Variants in ROPN1L observed in about 807,000 individuals in gnomAD.
The protein encoded by ROPN1L is ropporin-1-like protein.
Under a neutral mutation model 22.7 loss-of-function variants are expected in ROPN1L, and 23 were observed. That is an observed-to-expected ratio of 1.01 (90% CI 0.73 to 1.43). The LOEUF (loss-of-function observed/expected upper bound fraction) is 1.43. Among genes scored for constraint, ROPN1L ranks in the 40% most tolerant of loss-of-function variants. The probability of loss-of-function intolerance (pLI) is 0.00; values close to 1 mark genes in which losing one functional copy is unlikely to be tolerated. For missense variants in ROPN1L, 271 were observed against 291.5 expected (o/e 0.93, Z 0.51); for synonymous variants, 116 against 117.8 (o/e 0.98, Z 0.10).
At chr5:10,447,104 C>G (rs1741093472) in intron 1 of ROPN1L, among the ~76,000 whole-genome samples, 1 of 152,094 alleles carries the variant, frequency 6.6e-6, no homozygotes, top group Non-Finnish European at 1.5e-5. Flanking sequence ...TTCTAACTAC[C>G]CATGGCTTTA....
At chr5:10,474,429 A>G (rs1317107446), downstream of ROPN1L, among the ~76,000 whole-genome samples, 1 of 152,220 alleles carries the variant, frequency 6.6e-6, no homozygotes, top group Non-Finnish European at 1.5e-5. Flanking sequence ...CTTTGAAGAC[A>G]TAAGCTGTCA....
intron 4 of ROPN1L, among the ~76,000 whole-genome samples, chr5:10,462,902 C>CAAT (rs35234246): frequency 0.055 from 8,335 of 150,300 alleles, 280 homozygotes; most frequent in Middle Eastern, 0.12. Context: ...ATAATAACAA[C>CAAT]AATAATAATA....
intron 3 of ROPN1L, among the ~76,000 whole-genome samples, chr5:10,451,291 A>G (rs1741243995): frequency 6.6e-6 from 1 of 152,174 alleles, no homozygotes; most frequent in Non-Finnish European, 1.5e-5. Context: ...AAGGCTACCC[A>G]ATGTGGCCAC....
rs188342773 is a variant in ROPN1L at position 10,470,628 on chromosome 5, G to A, written n.886-1182G>A. On this transcript the variant is annotated intron_variant and non_coding_transcript_variant, in intron 4 of 4. Transcript: ENST00000510520. ...CCCGAGGTTGGAGCAGGGATCCCAC[G>A]CTTTCCTGTGCTGAGTTGGAGCCAG... is the stretch of plus-strand genomic sequence containing the variant. 2.0e-5 allele frequency among the ~76,000 whole-genome samples: 3 copies of A among 152,324 alleles called. No homozygotes were observed. The East Asian group carries it at 5.8e-4, about 29-fold the overall frequency.
chr5:10,465,380 G>T (rs1031820350), downstream of ROPN1L, among the ~76,000 whole-genome samples: 18 of 152,092 alleles, frequency 1.2e-4, no homozygotes, highest in African/African-American at 4.1e-4. Flanking sequence ...GCCAGGCGTG[G>T]TAGCGGGTGC....
chr5:10,464,422 C>G (rs1042105163), intron 4 of ROPN1L, among the ~76,000 whole-genome samples: 2 of 152,230 alleles, frequency 1.3e-5, no homozygotes, highest in Admixed American at 6.5e-5. Context: ...TTCTCCTGCC[C>G]GATCCGCGCA....
intron 2 of ROPN1L, among the ~76,000 whole-genome samples, chr5:10,449,397 T>C (rs1297323293): frequency 6.6e-6 from 1 of 152,108 alleles, no homozygotes; most frequent in African/African-American, 2.4e-5. Context: ...TGCGCACCTG[T>C]AATCCCAGCT....
intron 1 of ROPN1L, among the ~76,000 whole-genome samples, chr5:10,442,995 ACT>A (rs1048838097): frequency 6.6e-6 from 1 of 152,204 alleles, no homozygotes; most frequent in Non-Finnish European, 1.5e-5. Context: ...TAAAACAAAA[ACT>A]CACTTTTATG....
chr5:10,479,650 A>C, the ROPN1L span, among the ~76,000 whole-genome samples: 1 of 152,140 alleles, frequency 6.6e-6, no homozygotes, highest in Non-Finnish European at 1.5e-5. Context: ...TTTCCTGGGC[A>C]CTGTGGGAGA....
At chr5:10,453,616 G>A (rs1381619609) in intron 3 of ROPN1L, among the ~76,000 whole-genome samples, 1 of 152,256 alleles carries the variant, frequency 6.6e-6, no homozygotes, top group Admixed American at 6.5e-5. Context: ...GCTAGCCGCT[G>A]CCTGCGTGAG....
intron 4 of ROPN1L, among the ~76,000 whole-genome samples, chr5:10,463,978 A>T (rs1735100808): frequency 1.3e-5 from 2 of 151,972 alleles, no homozygotes; most frequent in African/African-American, 4.8e-5. Context: ...CCATGATGCC[A>T]CCTAGGATGC....
chr5:10,480,968 T>C, the ROPN1L span, among the ~76,000 whole-genome samples: 1 of 152,120 alleles, frequency 6.6e-6, no homozygotes, highest in South Asian at 2.1e-4. Context: ...CTTCTCTGCT[T>C]CCAGATCGTC....
In ROPN1L at chr5:10,448,294, C is replaced by T. The variant is rs1479532813; in HGVS notation, c.166C>T (p.Pro56Ser). 4 of 1,614,132 alleles carry T rather than the reference C, an allele frequency of 2.5e-6. No individual in the cohort carries two copies. Among genetic ancestry groups the T allele is most frequent in the Non-Finnish European group, 1.7e-6 (2 of 1,179,980 alleles). ...FSALSRGDPLPVKDRMEMPTA... is the reference protein window; with the variant it reads ...FSALSRGDPLSVKDRMEMPTA... ...AGCTCTGTCGAGAGGAGATCCACTTCCTGTAAAGGACAGAATGGAAATGCC... is the reference window on the plus strand; with the variant it reads ...AGCTCTGTCGAGAGGAGATCCACTTTCTGTAAAGGACAGAATGGAAATGCC... Residue 56 changes from proline to serine, a missense_variant, in exon 2 of 5, where the codon CCT becomes TCT. Coordinates refer to ENST00000274134, the MANE Select transcript of ROPN1L (RefSeq NM_031916.5).
At position 10,442,200 on chromosome 5, in the gene ROPN1L, G is replaced by A. The variant is rs761766011; in HGVS notation, c.33G>A (p.Gln11=). The A allele has an allele frequency of 2.5e-6, 4 of 1,613,830 alleles. No homozygotes were observed. In the Admixed American group the frequency reaches 5.0e-5, roughly 20 times the overall value. The part of the protein sequence containing the change: MPLPDTMFCA[Q]QIHIPPELPD... ...TTCCCGACACCATGTTCTGCGCTCA[G>A]CAGATCCACATTCCCCCGGAGCTGC... Residue 11 remains glutamine (Q), a synonymous_variant, in exon 1 of 5, where the codon CAG becomes CAA. Coordinates refer to ENST00000274134, the MANE Select transcript of ROPN1L (RefSeq NM_031916.5).
chr5:10,455,311 A>T lies in ROPN1L; in HGVS notation c.417+5198A>T, dbSNP rs116558657. Among the ~76,000 whole-genome samples the T allele has an allele frequency of 5.3e-3, 806 of 152,294 alleles. 12 individuals carry two copies. Among genetic ancestry groups the T allele is most frequent in the African/African-American group, 0.019 (775 of 41,554 alleles). On this transcript the variant is annotated intron_variant, in intron 3 of 4. Coordinates refer to ENST00000274134, the MANE Select transcript of ROPN1L (RefSeq NM_031916.5). ...GGGCTCGAAAGCCCATTCGGAAGTG[A>T]CCAAGAAAGGCCAACAGAATTCCTC...
intron 3 of ROPN1L, among the ~76,000 whole-genome samples, chr5:10,452,784 T>A (rs1431066451): frequency 6.6e-5 from 10 of 152,158 alleles, no homozygotes; most frequent in African/African-American, 2.4e-4. Flanking sequence ...ATCTTTATAG[T>A]TTTCACCTTC....
chr5:10,457,395 C>T (rs1734852832), intron 3 of ROPN1L, among the ~76,000 whole-genome samples: 1 of 152,224 alleles, frequency 6.6e-6, no homozygotes. Flanking sequence ...GACGTCTGTG[C>T]CCCAGGTCTT....
intron 3 of ROPN1L, among the ~76,000 whole-genome samples, chr5:10,460,583 A>G (rs1735000615): frequency 2.0e-5 from 3 of 152,194 alleles, no homozygotes; most frequent in Non-Finnish European, 4.4e-5. Flanking sequence ...TGTGAGGGAG[A>G]TGAACGGTCT....
the ROPN1L span, chr5:10,482,288 TCAAAA>T: frequency 6.7e-6 from 1 of 149,860 alleles, no homozygotes; most frequent in East Asian, 2.0e-4. Flanking sequence ...CAATTAAAAA[TCAAAA>T]CAAAACAAAA....
Sources: gnomAD v4.1 joint callset for allele counts (sites outside exome capture counted in the v4.1 genomes callset) on GRCh38, gnomAD v4.1.1 for gene constraint, MANE v1.5 for transcripts, NCBI Gene and HGNC (gene_info 2026-07-23, HGNC 2026-07-21) for gene names.